Variants in ACYP2 observed in about 807,000 individuals in gnomAD.
The protein encoded by ACYP2 is acylphosphatase-2.
ACYP2 carries 12 observed loss-of-function variants against 11.2 expected under a neutral mutation model. The observed-to-expected ratio is 1.08, with a 90% CI of 0.69 to 1.74. The LOEUF is 1.74. Among genes scored for constraint, ACYP2 ranks in the 40% most tolerant of loss-of-function variants. The probability of loss-of-function intolerance (pLI) is 0.00; values close to 1 mark genes in which losing one functional copy is unlikely to be tolerated. For synonymous variants in ACYP2, 43 were observed against 32.2 expected, an observed-to-expected ratio of 1.33 and a Z score of -1.13; for missense variants, 134 against 101.9, an observed-to-expected ratio of 1.31 and a Z score of -1.35.
chr2:54,087,644 T>C (rs1048956310), intron 4 of ACYP2, among the ~76,000 whole-genome samples: 3 of 152,164 alleles, frequency 2.0e-5, no homozygotes, highest in African/African-American at 4.8e-5. Flanking sequence ...AGCCACCTAA[T>C]TTCATTCTTG....
chr2:54,239,258 T>C (rs1199299257), intron 6 of ACYP2, among the ~76,000 whole-genome samples: 1 of 152,152 alleles, frequency 6.6e-6, no homozygotes, highest in Non-Finnish European at 1.5e-5. Flanking sequence ...GTTCTGCTTT[T>C]CCAGGAATGT....
chr2:54,175,208 G>T (rs532231053), intron 6 of ACYP2, among the ~76,000 whole-genome samples: 1 of 152,218 alleles, frequency 6.6e-6, no homozygotes, highest in Non-Finnish European at 1.5e-5. Flanking sequence ...CAATTTCAGA[G>T]CCTGTTACTG....
chr2:54,110,433 A>T (rs1362155756), intron 4 of ACYP2, among the ~76,000 whole-genome samples: 1 of 152,162 alleles, frequency 6.6e-6, no homozygotes, highest in Non-Finnish European at 1.5e-5. Flanking sequence ...AAAGTTCCCC[A>T]ATGGTCTAAA....
chr2:54,175,269 G>C (rs548402003), intron 6 of ACYP2, among the ~76,000 whole-genome samples: 38 of 152,270 alleles, frequency 2.5e-4, no homozygotes, highest in African/African-American at 7.9e-4. Flanking sequence ...GAGGGTGTAT[G>C]TGTCGAGGAA....
chr2:54,063,862 GGCA>G, intron 4 of ACYP2, among the ~76,000 whole-genome samples: 1 of 152,158 alleles, frequency 6.6e-6, no homozygotes, highest in East Asian at 1.9e-4. Flanking sequence ...TGGTGAAAGG[GGCA>G]TTCTAGGCAG....
intron 6 of ACYP2, among the ~76,000 whole-genome samples, chr2:54,296,203 A>C (rs1202025142): frequency 6.6e-6 from 1 of 152,202 alleles, no homozygotes; most frequent in African/African-American, 2.4e-5. Flanking sequence ...CCCTTTTCAC[A>C]TAGGGGCAGT....
chr2:54,208,524 C>T (rs570796832), intron 6 of ACYP2, among the ~76,000 whole-genome samples: 3 of 152,130 alleles, frequency 2.0e-5, no homozygotes, highest in African/African-American at 7.2e-5. Context: ...ATGTGACTCC[C>T]AGGGTTGGGC....
intron 6 of ACYP2, among the ~76,000 whole-genome samples, chr2:54,213,959 C>T (rs12616744): frequency 0.24 from 36,032 of 151,702 alleles, 4,466 homozygotes; most frequent in East Asian, 0.38. Context: ...TTTTTTGTAG[C>T]GACAAGATCT....
chr2:54,013,950 G>A (rs1673538603), intron 2 of ACYP2, among the ~76,000 whole-genome samples: 1 of 152,056 alleles, frequency 6.6e-6, no homozygotes, highest in Non-Finnish European at 1.5e-5. Flanking sequence ...TTGAGGTCAG[G>A]AGTTCGAGAC....
At chr2:54,253,998 G>A (rs899798255) in intron 6 of ACYP2, 13 of 152,150 alleles carry the variant, frequency 8.5e-5, no homozygotes, top group African/African-American at 2.4e-4. Context: ...AAAAGAAAGT[G>A]TACACTCACT....
At chr2:54,007,318 A>T (rs1163613734) in intron 2 of ACYP2, among the ~76,000 whole-genome samples, 1 of 148,664 alleles carries the variant, frequency 6.7e-6, no homozygotes, top group Non-Finnish European at 1.5e-5. Flanking sequence ...CAATGGCACA[A>T]TCTCGGCTCA....
At chr2:54,255,955 T>C (rs758119019) in intron 6 of ACYP2, 1 of 1,614,058 alleles carries the variant, frequency 6.2e-7, no homozygotes, top group Non-Finnish European at 8.5e-7. Context: ...ATGGCCACCA[T>C]CTGCGGGATC....
intron 6 of ACYP2, among the ~76,000 whole-genome samples, chr2:54,213,000 T>A (rs907423020): frequency 2.6e-5 from 4 of 152,054 alleles, no homozygotes; most frequent in Admixed American, 6.6e-5. Context: ...CATGGGTAAA[T>A]TGCATGTCAC....
intron 6 of ACYP2, among the ~76,000 whole-genome samples, chr2:54,155,174 C>A (rs1054811486): frequency 4.6e-5 from 7 of 151,900 alleles, no homozygotes; most frequent in Non-Finnish European, 1.0e-4. Flanking sequence ...TTATTTGAAT[C>A]TTTTCACTTT....
At chr2:54,095,746 C>G (rs1254870169) in intron 4 of ACYP2, among the ~76,000 whole-genome samples, 9 of 105,314 alleles carry the variant, frequency 8.5e-5, no homozygotes, top group Admixed American at 3.5e-4. Context: ...CGGGCAGAGG[C>G]GCCCCTCACC....
intron 6 of ACYP2, among the ~76,000 whole-genome samples, chr2:54,172,007 A>C (rs977628267): frequency 1.3e-5 from 2 of 152,124 alleles, no homozygotes; most frequent in African/African-American, 2.4e-5. Context: ...TGAGCCTAGC[A>C]GTGCAAGATC....
intron 4 of ACYP2, among the ~76,000 whole-genome samples, chr2:54,125,614 G>A (rs1399738846): frequency 6.6e-6 from 1 of 151,980 alleles, no homozygotes; most frequent in East Asian, 1.9e-4. Context: ...GCTGGAGATG[G>A]TGGCAGGCGC....
chr2:54,042,653 G>A (rs143587567), intron 2 of ACYP2, among the ~76,000 whole-genome samples: 2 of 152,258 alleles, frequency 1.3e-5, no homozygotes, highest in African/African-American at 4.8e-5. Context: ...TATTTGAGTA[G>A]ATCCTAATTA....
intron 4 of ACYP2, among the ~76,000 whole-genome samples, chr2:54,134,947 C>T (rs930347628): frequency 2.6e-5 from 4 of 152,202 alleles, no homozygotes; most frequent in South Asian, 2.1e-4. Flanking sequence ...ATTGTTTTTA[C>T]TTTAGATCTT....
Sources: gnomAD v4.1 joint callset for allele counts (sites outside exome capture counted in the v4.1 genomes callset) on GRCh38, gnomAD v4.1.1 for gene constraint, MANE v1.5 for transcripts, NCBI Gene and HGNC (gene_info 2026-07-23, HGNC 2026-07-21) for gene names.